BTBD9: variants seen among roughly 807,000 people sequenced by gnomAD.
BTBD9 encodes BTB/POZ domain-containing protein 9.
Under a neutral mutation model 64.3 loss-of-function variants are expected in BTBD9, and 49 were observed. That is an observed-to-expected ratio of 0.76 (90% confidence interval 0.61 to 0.97). The LOEUF is 0.97. Among genes scored for constraint, BTBD9 ranks in the 50% least tolerant of loss-of-function variants. The pLI, the probability that BTBD9 is intolerant of heterozygous loss-of-function variation, is 0.00. For missense variants in BTBD9, 598 were observed against 762.1 expected, an observed-to-expected ratio of 0.78 and a Z score of 2.53; for synonymous variants, 260 against 274.7, an observed-to-expected ratio of 0.95 and a Z score of 0.53.
rs78305456 is a variant in BTBD9, at chr6:38,497,587, G to A, written c.1154+80013C>T. 9.3e-3 allele frequency among the ~76,000 whole-genome samples: 1,420 copies of A among 152,228 alleles called. 24 individuals carry two copies. The highest frequency in any genetic ancestry group is 0.012 in the Non-Finnish European group (824 of 68,034). On this transcript the variant is annotated intron_variant, in intron 6 of 10. Transcript: ENST00000481247. ...ATATGGAAAGAAAGAGAACGAGAAA[G>A]GCAGTGAAGGGGAGGAAAGGAGAGA... is the stretch of plus-strand genomic sequence containing the variant.
chr6:38,299,920 G>C (rs944039294), intron 7 of BTBD9, among the ~76,000 whole-genome samples: 10 of 152,334 alleles, frequency 6.6e-5, no homozygotes, highest in Admixed American at 5.2e-4. Flanking sequence ...TTTTAGACAT[G>C]AAGTCCTTGA....
chr6:38,217,356 A>G (rs1015680736), intron 9 of BTBD9, among the ~76,000 whole-genome samples: 1 of 149,884 alleles, frequency 6.7e-6, no homozygotes, highest in Non-Finnish European at 1.5e-5. Context: ...TCCCCATCCT[A>G]CAACAAAGTG....
At chr6:38,471,123 T>C (rs1770630601) in intron 6 of BTBD9, among the ~76,000 whole-genome samples, 1 of 152,038 alleles carries the variant, frequency 6.6e-6, no homozygotes, top group South Asian at 2.1e-4. Context: ...TGGCCTTAAT[T>C]TTCTGCAAAT....
At chr6:38,335,098 C>A (rs1763842677) in intron 7 of BTBD9, among the ~76,000 whole-genome samples, 1 of 152,088 alleles carries the variant, frequency 6.6e-6, no homozygotes, top group Non-Finnish European at 1.5e-5. Context: ...CTCCTGCTGC[C>A]ATGTAAGGTG....
intron 9 of BTBD9, among the ~76,000 whole-genome samples, chr6:38,204,713 C>T (rs1352068121): frequency 6.6e-6 from 1 of 151,934 alleles, no homozygotes; most frequent in East Asian, 1.9e-4. Flanking sequence ...TGAATTGTAT[C>T]TCAATAAAGC....
At chr6:38,479,756 T>C (rs1407128956) in intron 6 of BTBD9, among the ~76,000 whole-genome samples, 1 of 152,206 alleles carries the variant, frequency 6.6e-6, no homozygotes. Flanking sequence ...AAAGACAGGA[T>C]CTGGCTCTGT....
At chr6:38,572,741 T>C (rs1775829184) in intron 6 of BTBD9, among the ~76,000 whole-genome samples, 1 of 150,762 alleles carries the variant, frequency 6.6e-6, no homozygotes, top group Non-Finnish European at 1.5e-5. Flanking sequence ...CCTGACTGTA[T>C]TAAATACTTA....
At chr6:38,454,628 C>T (rs531250306) in intron 6 of BTBD9, among the ~76,000 whole-genome samples, 1 of 151,706 alleles carries the variant, frequency 6.6e-6, no homozygotes, top group Admixed American at 6.6e-5. Context: ...AAGACCCCAT[C>T]TCCACAAAAA....
At chr6:38,389,091 T>A (rs995013914) in intron 6 of BTBD9, among the ~76,000 whole-genome samples, 1 of 152,218 alleles carries the variant, frequency 6.6e-6, no homozygotes, top group African/African-American at 2.4e-5. Context: ...TAATTTATAG[T>A]ATAGTGATTA....
intron 1 of BTBD9, among the ~76,000 whole-genome samples, chr6:38,599,188 A>T (rs1777163344): frequency 6.6e-6 from 1 of 152,172 alleles, no homozygotes; most frequent in South Asian, 2.1e-4. Context: ...CTGAAAATCA[A>T]AGGGCTAAAA....
chr6:38,251,099 T>C (rs201221575), intron 9 of BTBD9, among the ~76,000 whole-genome samples: 1 of 150,266 alleles, frequency 6.7e-6, no homozygotes, highest in Admixed American at 6.6e-5. Flanking sequence ...AAAAAAATAA[T>C]AATAATAATA....
intron 6 of BTBD9, among the ~76,000 whole-genome samples, chr6:38,443,572 T>C (rs1222213470): frequency 1.3e-5 from 2 of 152,178 alleles, no homozygotes; most frequent in African/African-American, 4.8e-5. Flanking sequence ...ATTATAGGGA[T>C]TAGCAAGCAG....
At chr6:38,587,485 G>T in intron 4 of BTBD9, 1 of 550,696 alleles carries the variant, frequency 1.8e-6, no homozygotes, top group East Asian at 4.5e-5. Context: ...GCGTAATGTT[G>T]AAGTAACAAT....
At chr6:38,214,525 G>A (rs1429010315) in intron 9 of BTBD9, among the ~76,000 whole-genome samples, 6 of 152,226 alleles carry the variant, frequency 3.9e-5, no homozygotes, top group Non-Finnish European at 5.9e-5. Flanking sequence ...CACTGAGAGA[G>A]GCTAAAGGTG....
At chr6:38,573,477 C>T (rs1347189165) in intron 6 of BTBD9, among the ~76,000 whole-genome samples, 1 of 152,122 alleles carries the variant, frequency 6.6e-6, no homozygotes, top group African/African-American at 2.4e-5. Flanking sequence ...CCTGTCTGGC[C>T]TTGTCTCCAG....
chr6:38,459,056 T>C (rs918714646), intron 6 of BTBD9, among the ~76,000 whole-genome samples: 10 of 152,192 alleles, frequency 6.6e-5, no homozygotes, highest in African/African-American at 2.4e-4. Context: ...TCTCACTCTG[T>C]TGCCCAGGCT....
At chr6:38,418,420 A>G (rs1767768827) in intron 6 of BTBD9, among the ~76,000 whole-genome samples, 1 of 152,038 alleles carries the variant, frequency 6.6e-6, no homozygotes, top group South Asian at 2.1e-4. Flanking sequence ...CTCCTCCCCC[A>G]CCAAAGAGAA....
chr6:38,340,389 A>G (rs189442915), intron 7 of BTBD9, among the ~76,000 whole-genome samples: 1 of 152,312 alleles, frequency 6.6e-6, no homozygotes, highest in East Asian at 1.9e-4. Context: ...TTATGCCAGA[A>G]AGCACGGAAC....
At chr6:38,337,008 T>C (rs749787753) in intron 7 of BTBD9, among the ~76,000 whole-genome samples, 6 of 152,162 alleles carry the variant, frequency 3.9e-5, no homozygotes, top group Non-Finnish European at 4.4e-5. Context: ...AGCCTTAATA[T>C]CTGGTTAGAG....
Sources: allele counts gnomAD v4.1 joint callset (sites outside exome capture counted in the v4.1 genomes callset), GRCh38; gene constraint gnomAD v4.1.1; transcripts MANE v1.5; gene names NCBI Gene and HGNC (gene_info 2026-07-23, HGNC 2026-07-21).